FARP1: variants seen among roughly 807,000 people sequenced by gnomAD.
The protein encoded by FARP1 is FERM, ARHGEF and pleckstrin domain-containing protein 1.
A neutral mutation model predicts 128.8 loss-of-function variants in FARP1; 52 were observed. The observed-to-expected ratio is 0.40, with a 90% CI of 0.32 to 0.51. FARP1 has a LOEUF of 0.51. Ranked by LOEUF, FARP1 falls within the 20% of genes least tolerant of loss-of-function variation. FARP1 has a pLI of 0.45. For missense variants in FARP1, 1,333 were observed against 1,367.9 expected (o/e 0.97, Z 0.40); for synonymous variants, 580 against 551.8 (o/e 1.05, Z -0.72).
At chr13:98,261,549 T>G (rs913037240) in intron 2 of FARP1, among the ~76,000 whole-genome samples, 1 of 151,748 alleles carries the variant, frequency 6.6e-6, no homozygotes, top group Non-Finnish European at 1.5e-5. Context: ...GAAAGTTTGC[T>G]TTGGGCTTTG....
chr13:98,165,061 A>G (rs528142412), intron 1 of FARP1, among the ~76,000 whole-genome samples: 2 of 152,118 alleles, frequency 1.3e-5, no homozygotes, highest in South Asian at 4.2e-4. Flanking sequence ...CTAAAAATAC[A>G]AAAATTAGCT....
chr13:98,179,638 G>T (rs1878357959), intron 1 of FARP1, among the ~76,000 whole-genome samples: 1 of 152,086 alleles, frequency 6.6e-6, no homozygotes, highest in Non-Finnish European at 1.5e-5. Flanking sequence ...GCTGAGGCAG[G>T]TGGATCACGA....
rs535422043 is a variant in FARP1 at position 98,454,749 on chromosome 13, G to A, written c.*6432G>A. 1.3e-5 allele frequency: 2 copies of A among 152,346 alleles called. No individual in the cohort carries two copies. Among genetic ancestry groups the A allele is most frequent in the East Asian group, 3.9e-4 (2 of 5,188 alleles). 9.4% of individuals were successfully genotyped at this position (152,346 alleles called of 1,614,324 possible). On this transcript the variant is annotated 3_prime_UTR_variant, in exon 27 of 27. Coordinates refer to ENST00000319562, the MANE Select transcript of FARP1 (RefSeq NM_005766.4). ...GCCACCGTGGTTTTGGCAGCCATCG[G>A]GGTGAACGCTCAGTGGGAGCTTCAG... is the stretch of plus-strand genomic sequence containing the variant.
At chr13:98,267,013 C>CAAAAAAAA (rs368229193) in intron 2 of FARP1, among the ~76,000 whole-genome samples, 1 of 64,328 alleles carries the variant, frequency 1.6e-5, no homozygotes. Context: ...ACTCCCATCT[C>CAAAAAAAA]AAAAAAAAAA....
intron 1 of FARP1, among the ~76,000 whole-genome samples, chr13:98,157,458 A>G (rs905157588): frequency 1.3e-5 from 2 of 151,592 alleles, no homozygotes; most frequent in Non-Finnish European, 2.9e-5. Context: ...GTCCCTGCCT[A>G]CCTCCTTCCA....
intron 2 of FARP1, among the ~76,000 whole-genome samples, chr13:98,287,451 A>G (rs376849637): frequency 2.9e-4 from 44 of 151,616 alleles, no homozygotes; most frequent in Admixed American, 6.6e-4. Context: ...GGATGGTCTC[A>G]ATCTCCTGAC....
rs570575284 is a variant in FARP1 at position 98,151,996 on chromosome 13, A to G, written c.-24+8504A>G. 2.7e-4 allele frequency among the ~76,000 whole-genome samples: 41 copies of G among 152,160 alleles called. No individual in the cohort carries two copies. In the Middle Eastern group the frequency reaches 0.024, roughly 88 times the overall value. On this transcript the variant is annotated intron_variant, in intron 1 of 26. Transcript: ENST00000319562. Reference sequence around the variant, plus strand: ...ATCTTTGACATTGGACAAGTTATCAATGCTCTTTCCCGAAAACCTCAAGGG... The same window carrying G: ...ATCTTTGACATTGGACAAGTTATCAGTGCTCTTTCCCGAAAACCTCAAGGG...
At chr13:98,300,524 G>A (rs1248169579) in intron 2 of FARP1, among the ~76,000 whole-genome samples, 1 of 152,150 alleles carries the variant, frequency 6.6e-6, no homozygotes, top group African/African-American at 2.4e-5. Flanking sequence ...TATAACAGCA[G>A]TTTTATAAAC....
intron 2 of FARP1, among the ~76,000 whole-genome samples, chr13:98,326,041 A>G (rs1887219790): frequency 6.6e-6 from 1 of 152,262 alleles, no homozygotes; most frequent in African/African-American, 2.4e-5. Flanking sequence ...CTATTGGGCA[A>G]TCCCTCAATA....
chr13:98,308,029 C>CTTTT (rs1886253580), intron 2 of FARP1, among the ~76,000 whole-genome samples: 9 of 114,910 alleles, frequency 7.8e-5, no homozygotes, highest in African/African-American at 3.3e-4. Flanking sequence ...CCCCCACTCT[C>CTTTT]TCTCTTTTTT....
intron 3 of FARP1, among the ~76,000 whole-genome samples, chr13:98,364,355 G>A (rs1470018020): frequency 1.3e-5 from 2 of 152,158 alleles, no homozygotes; most frequent in Non-Finnish European, 2.9e-5. Flanking sequence ...AAGCAAGTGT[G>A]TGTACAGCCA....
rs149150890 is a variant in FARP1 at position 98,424,179 on chromosome 13, C to G, written c.1827-393C>G. Among the ~76,000 whole-genome samples, 351 of 152,240 alleles carry G rather than the reference C, an allele frequency of 2.3e-3. 2 individuals carry two copies. The highest frequency in any genetic ancestry group is 7.9e-3 in the African/African-American group (328 of 41,482). ...TGCAGGTGTCTAGCAGTACCCATCT[C>G]TAGGATGGAATCTGTTTACAAGCTA... On this transcript the variant is annotated intron_variant, in intron 16 of 26. Coordinates refer to ENST00000319562, the MANE Select transcript of FARP1 (RefSeq NM_005766.4).
intron 8 of FARP1, among the ~76,000 whole-genome samples, chr13:98,387,325 G>T (rs529581695): frequency 6.6e-6 from 1 of 152,182 alleles, no homozygotes; most frequent in East Asian, 1.9e-4. Flanking sequence ...AAGCCAAGTG[G>T]AGTTTTGAGT....
At position 98,454,492 on chromosome 13, in the gene FARP1, G is replaced by A. The variant is rs143312331; in HGVS notation, c.*6175G>A. 1.3e-5 allele frequency: 2 copies of A among 152,246 alleles called. No homozygotes were observed. Among genetic ancestry groups the A allele is most frequent in the African/African-American group, 2.4e-5 (1 of 41,524 alleles). 9.4% of individuals were successfully genotyped at this position (152,246 alleles called of 1,614,324 possible). ...TCCCAGAGAACAAATGGTTACATAA[G>A]GTCCTCCCAAAAGCACACATTAGCC... On this transcript the variant is annotated 3_prime_UTR_variant, in exon 27 of 27. Transcript: ENST00000319562.
chr13:98,393,854 G>C, intron 12 of FARP1, 136 bp downstream of exon 12: 3 of 692,010 alleles, frequency 4.3e-6, no homozygotes, highest in Non-Finnish European at 7.6e-6. Flanking sequence ...CTGATTATGG[G>C]CCTTGGCTTT....
intron 13 of FARP1, chr13:98,400,617 C>T (rs576929190): frequency 6.6e-5 from 10 of 152,332 alleles, no homozygotes; most frequent in East Asian, 1.9e-4. Context: ...TTATTTGCTT[C>T]TATCTGGATC....
chr13:98,221,432 T>G (rs1392720871), intron 2 of FARP1, among the ~76,000 whole-genome samples: 1 of 152,152 alleles, frequency 6.6e-6, no homozygotes, highest in Non-Finnish European at 1.5e-5. Flanking sequence ...ACTGGGGCTT[T>G]CTTTGGAGGG....
chr13:98,409,203 T>A, intron 13 of FARP1, 135 bp from the exon 14 acceptor site: 1 of 672,878 alleles, frequency 1.5e-6, no homozygotes, highest in South Asian at 2.4e-5. Context: ...AACTAGAAAA[T>A]AAAGAATCGC....
intron 17 of FARP1, 85 bp from the exon 18 acceptor site, chr13:98,430,958 C>G: frequency 1.2e-6 from 1 of 804,912 alleles, no homozygotes; most frequent in East Asian, 2.5e-5. Flanking sequence ...TGCAGGAGCG[C>G]TTCATTTCCC....
Sources: gnomAD v4.1 joint callset for allele counts (sites outside exome capture counted in the v4.1 genomes callset) on GRCh38, gnomAD v4.1.1 for gene constraint, MANE v1.5 for transcripts, NCBI Gene and HGNC (gene_info 2026-07-23, HGNC 2026-07-21) for gene names.